Variants in EDIL3 observed in about 807,000 individuals in gnomAD.
The protein encoded by EDIL3 is EGF like and discoidin domains 3.
A neutral mutation model predicts 67.4 loss-of-function variants in EDIL3; 37 were observed. The observed-to-expected ratio is 0.55, with a 90% CI of 0.42 to 0.72. The LOEUF is 0.72. Among genes scored for constraint, EDIL3 ranks in the 30% least tolerant of loss-of-function variants. The probability of loss-of-function intolerance (pLI) is 0.00; values close to 1 mark genes in which losing one functional copy is unlikely to be tolerated. For missense variants in EDIL3, 527 were observed against 586.3 expected (o/e 0.90, Z 1.04); for synonymous variants, 195 against 196.3 (o/e 0.99, Z 0.05).
intron 1 of EDIL3, among the ~76,000 whole-genome samples, chr5:84,337,691 T>C (rs1747017883): frequency 1.3e-5 from 2 of 152,168 alleles, no homozygotes; most frequent in Non-Finnish European, 2.9e-5. Flanking sequence ...ATGACTATAT[T>C]AGGCTGACCT....
At chr5:84,149,666 T>C (rs941758844) in intron 4 of EDIL3, among the ~76,000 whole-genome samples, 12 of 152,048 alleles carry the variant, frequency 7.9e-5, no homozygotes, top group Admixed American at 1.3e-4. Flanking sequence ...AAAAAAGATA[T>C]AGTTGAAAAG....
intron 1 of EDIL3, among the ~76,000 whole-genome samples, chr5:84,263,296 T>C (rs1745273234): frequency 6.6e-6 from 1 of 152,142 alleles, no homozygotes; most frequent in Non-Finnish European, 1.5e-5. Flanking sequence ...TTCTGAGGGC[T>C]CAGTTTAGCT....
intron 5 of EDIL3, among the ~76,000 whole-genome samples, chr5:84,134,003 T>G (rs2112312777): frequency 6.6e-6 from 1 of 151,626 alleles, no homozygotes; most frequent in African/African-American, 2.4e-5. Context: ...AGGTTTATTA[T>G]TAACATGAAA....
chr5:84,317,895 A>G (rs1746548287), intron 1 of EDIL3, among the ~76,000 whole-genome samples: 1 of 152,176 alleles, frequency 6.6e-6, no homozygotes, highest in Non-Finnish European at 1.5e-5. Context: ...AGATGACATG[A>G]CTGTATATTT....
intron 3 of EDIL3, among the ~76,000 whole-genome samples, chr5:84,211,159 A>G (rs1744109394): frequency 6.6e-6 from 1 of 152,182 alleles, no homozygotes; most frequent in Non-Finnish European, 1.5e-5. Flanking sequence ...ATTGATTCCC[A>G]GTGTTGAGGT....
chr5:84,076,112 A>T (rs1425162958), intron 6 of EDIL3, among the ~76,000 whole-genome samples: 1 of 151,760 alleles, frequency 6.6e-6, no homozygotes, highest in Non-Finnish European at 1.5e-5. Context: ...ACAAACAAAA[A>T]TTTACTAAGA....
intron 2 of EDIL3, among the ~76,000 whole-genome samples, chr5:84,247,273 T>C (rs1312226550): frequency 6.6e-6 from 1 of 152,052 alleles, no homozygotes; most frequent in Non-Finnish European, 1.5e-5. Flanking sequence ...TTAACTGAAA[T>C]TTACCAAATC....
chr5:83,972,881 C>G (rs568239201), intron 9 of EDIL3, among the ~76,000 whole-genome samples: 2 of 151,772 alleles, frequency 1.3e-5, no homozygotes, highest in Non-Finnish European at 2.9e-5. Context: ...TTTATAATAT[C>G]CTGTATGCAT....
intron 9 of EDIL3, among the ~76,000 whole-genome samples, chr5:84,032,607 T>C (rs934528512): frequency 6.6e-6 from 1 of 152,178 alleles, no homozygotes; most frequent in Non-Finnish European, 1.5e-5. Flanking sequence ...ATTTTGTTAA[T>C]GCCAATAATA....
intron 3 of EDIL3, among the ~76,000 whole-genome samples, chr5:84,189,545 G>A (rs1743536684): frequency 6.6e-6 from 1 of 151,830 alleles, no homozygotes; most frequent in African/African-American, 2.4e-5. Flanking sequence ...CAGCAAAAGA[G>A]CTATCATTTT....
chr5:84,023,764 C>T (rs561908147), intron 9 of EDIL3, among the ~76,000 whole-genome samples: 3 of 152,056 alleles, frequency 2.0e-5, no homozygotes, highest in South Asian at 4.1e-4. Flanking sequence ...TTTTCCTCTG[C>T]ACTGTATACT....
intron 9 of EDIL3, among the ~76,000 whole-genome samples, chr5:84,017,597 C>CTACATTTT (rs138942283): frequency 0.012 from 1,876 of 152,148 alleles, 46 homozygotes; most frequent in African/African-American, 0.042. Context: ...TTTTTAAAAG[C>CTACATTTT]TACATTTTAA....
intron 3 of EDIL3, among the ~76,000 whole-genome samples, chr5:84,207,788 C>A (rs1445504474): frequency 1.3e-5 from 2 of 151,636 alleles, no homozygotes; most frequent in Non-Finnish European, 2.9e-5. Context: ...AAAAAACAAG[C>A]AATGGGGAAA....
At chr5:84,106,506 T>A in intron 6 of EDIL3, 143 bp downstream of exon 6, 1 of 964,720 alleles carries the variant, frequency 1.0e-6, no homozygotes, top group Non-Finnish European at 1.4e-6. Flanking sequence ...AATTGGGAGC[T>A]AATTTGAACT....
chr5:84,080,278 G>A (rs2112257198), intron 6 of EDIL3, among the ~76,000 whole-genome samples: 1 of 106,110 alleles, frequency 9.4e-6, no homozygotes, highest in Middle Eastern at 7.6e-3. Context: ...CAGCCTGGGT[G>A]ACAGAGCGAG....
chr5:84,381,900 T>C (rs1041582827), intron 1 of EDIL3, among the ~76,000 whole-genome samples: 1 of 152,202 alleles, frequency 6.6e-6, no homozygotes, highest in Non-Finnish European at 1.5e-5. Flanking sequence ...TCCCAGGCAT[T>C]AATGCAAGTA....
intron 5 of EDIL3, among the ~76,000 whole-genome samples, chr5:84,121,621 A>T (rs1403686691): frequency 6.6e-6 from 1 of 151,724 alleles, no homozygotes; most frequent in Non-Finnish European, 1.5e-5. Context: ...GAAAAAAAAA[A>T]GGTCATCCTC....
chr5:84,109,887 G>C (rs576855261), intron 5 of EDIL3, among the ~76,000 whole-genome samples: 1 of 152,068 alleles, frequency 6.6e-6, no homozygotes, highest in South Asian at 2.1e-4. Context: ...TTTTAAAATC[G>C]GGGTTATGAT....
intron 4 of EDIL3, among the ~76,000 whole-genome samples, chr5:84,138,267 T>C (rs1257233804): frequency 1.3e-5 from 2 of 152,176 alleles, no homozygotes; most frequent in Admixed American, 6.5e-5. Flanking sequence ...AACAGTTTGT[T>C]GTTGTTGTTT....
Sources: gnomAD v4.1 joint callset for allele counts (sites outside exome capture counted in the v4.1 genomes callset) on GRCh38, gnomAD v4.1.1 for gene constraint, MANE v1.5 for transcripts, NCBI Gene and HGNC (gene_info 2026-07-23, HGNC 2026-07-21) for gene names.